Variants in COL26A1 observed in about 807,000 individuals in gnomAD.
COL26A1 encodes the protein collagen type XXVI alpha 1 chain, also known as collagen alpha-1(XXVI) chain.
In COL26A1, 41 loss-of-function variants were observed where a neutral mutation model predicts 59.3. The ratio of observed to expected loss-of-function variants is 0.69; its 90% CI spans 0.54 to 0.90. The LOEUF is 0.90. Ranked by LOEUF, COL26A1 falls within the 40% of genes least tolerant of loss-of-function variation. The pLI, the probability that COL26A1 is intolerant of heterozygous loss-of-function variation, is 0.00. For synonymous variants in COL26A1, 266 were observed against 256.0 expected, an observed-to-expected ratio of 1.04 and a Z score of -0.37; for missense variants, 612 against 602.3, an observed-to-expected ratio of 1.02 and a Z score of -0.17.
chr7:101,369,132 C>T (rs1791123734), intron 1 of COL26A1, among the ~76,000 whole-genome samples: 1 of 151,968 alleles, frequency 6.6e-6, no homozygotes, highest in Non-Finnish European at 1.5e-5. Context: ...GATGGGGGGG[C>T]ATGATGACTC....
chr7:101,362,926 C>G lies in COL26A1; in HGVS notation c.-107C>G. 1 of 1,197,918 alleles carries G rather than the reference C, an allele frequency of 8.3e-7. No individual in the cohort carries two copies. The highest frequency in any genetic ancestry group is 1.1e-6 in the Non-Finnish European group (1 of 893,146). 74.2% of individuals were successfully genotyped at this position (1,197,918 alleles called of 1,614,324 possible). A position where few individuals can be genotyped will look rare whatever the true frequency, so the allele number is the denominator to read the frequency against. On this transcript the variant is annotated 5_prime_UTR_variant, in exon 1 of 13. Coordinates refer to ENST00000313669, the MANE Select transcript of COL26A1 (RefSeq NM_001278563.3). The stretch of plus-strand genomic sequence containing the variant: ...CCGGGCTCCGACCGCTCGCCCCGCT[C>G]CTCTCGCTGTGCTCCCGGCCGGTGC...
rs1795962528 is a variant in COL26A1 at position 101,555,812 on chromosome 7, A to AG, written c.1108dup (p.Ala370GlyfsTer85). ...GGCGAGGGGGTGCAGCAGCTGAGAGAGGCCCTGAAGATCCTGGCAGAGCGA... is the reference window on the plus strand; with the variant it reads ...GGCGAGGGGGTGCAGCAGCTGAGAGAGGGCCCTGAAGATCCTGGCAGAGCGA... On this transcript the variant is annotated frameshift_variant, in exon 12 of 13. Coordinates refer to ENST00000313669, the MANE Select transcript of COL26A1 (RefSeq NM_001278563.3). LOFTEE classifies it high-confidence loss of function. 1 of 1,611,346 alleles carries AG rather than the reference A, an allele frequency of 6.2e-7. No homozygotes were observed. Among genetic ancestry groups the AG allele is most frequent in the Non-Finnish European group, 8.5e-7 (1 of 1,179,100 alleles).
At chr7:101,536,321 C>A (rs989069126) in intron 4 of COL26A1, among the ~76,000 whole-genome samples, 2 of 152,264 alleles carry the variant, frequency 1.3e-5, no homozygotes, top group African/African-American at 2.4e-5. Context: ...GCCCCACTGG[C>A]AGCTTTGATG....
chr7:101,414,758 A>C (rs1204172067), intron 1 of COL26A1, among the ~76,000 whole-genome samples: 1 of 152,076 alleles, frequency 6.6e-6, no homozygotes. Flanking sequence ...TTGGAAACAC[A>C]CACTGAGTGC....
intron 10 of COL26A1, 112 bp from the exon 11 acceptor site, chr7:101,553,214 C>A: frequency 1.1e-6 from 1 of 946,964 alleles, no homozygotes; most frequent in Non-Finnish European, 1.7e-6. Flanking sequence ...GTTTCCCAGG[C>A]CCTGCCTGCC....
chr7:101,516,727 C>T (rs1037643875), intron 3 of COL26A1, among the ~76,000 whole-genome samples: 10 of 152,156 alleles, frequency 6.6e-5, no homozygotes, highest in African/African-American at 2.4e-4. Context: ...AGCCGAAAAA[C>T]TTTCTCAGGG....
intron 1 of COL26A1, among the ~76,000 whole-genome samples, chr7:101,411,877 G>T (rs916727875): frequency 6.6e-6 from 1 of 152,158 alleles, no homozygotes; most frequent in African/African-American, 2.4e-5. Flanking sequence ...GGTCAAGGCT[G>T]CAGTGAGCTA....
At chr7:101,459,293 TTTGTTTGTTTG>T (rs1002827285) in intron 3 of COL26A1, among the ~76,000 whole-genome samples, 1 of 151,824 alleles carries the variant, frequency 6.6e-6, no homozygotes, top group African/African-American at 2.4e-5. Flanking sequence ...CTTTTGTTTG[TTTGTTTGTTTG>T]TTGTTTGTTT....
intron 12 of COL26A1, among the ~76,000 whole-genome samples, chr7:101,556,981 GTGGA>G (rs1227414426): frequency 7.2e-6 from 1 of 139,302 alleles, no homozygotes; most frequent in Non-Finnish European, 1.6e-5. Flanking sequence ...GGATAAGTGA[GTGGA>G]TGGATGGGTG....
intron 1 of COL26A1, chr7:101,388,929 G>T: frequency 4.4e-6 from 1 of 227,136 alleles, no homozygotes; most frequent in South Asian, 7.4e-5. Context: ...TGCCTTTCTG[G>T]AACACATAGC....
At chr7:101,432,032 C>T (rs2130321505) in intron 2 of COL26A1, among the ~76,000 whole-genome samples, 1 of 148,728 alleles carries the variant, frequency 6.7e-6, no homozygotes, top group South Asian at 2.1e-4. Context: ...GCAATCTTGG[C>T]TCACTGTAAC....
intron 2 of COL26A1, among the ~76,000 whole-genome samples, chr7:101,420,704 C>CCTCACCAGCCCCCCCCT (rs1792495916): frequency 1.4e-5 from 1 of 69,922 alleles, no homozygotes; most frequent in African/African-American, 5.6e-5. Flanking sequence ...CAGCCACACC[C>CCTCACCAGCCCCCCCCT]CTCACCAGCC....
intron 1 of COL26A1, among the ~76,000 whole-genome samples, chr7:101,364,156 G>C (rs1034994834): frequency 6.6e-6 from 1 of 152,200 alleles, no homozygotes; most frequent in East Asian, 1.9e-4. Flanking sequence ...TGCGGCTCCG[G>C]AGCCCGCATT....
chr7:101,427,262 T>G (rs1404965874), intron 2 of COL26A1, among the ~76,000 whole-genome samples: 1 of 152,204 alleles, frequency 6.6e-6, no homozygotes, highest in Non-Finnish European at 1.5e-5. Flanking sequence ...GAGATCTTGC[T>G]TTGTTGTCCA....
chr7:101,446,436 A>G (rs1793196604), intron 2 of COL26A1, among the ~76,000 whole-genome samples: 1 of 152,186 alleles, frequency 6.6e-6, no homozygotes, highest in South Asian at 2.1e-4. Flanking sequence ...CGTTTAGATC[A>G]CAGCTGATAC....
At chr7:101,420,700 C>A (rs1792495099) in intron 2 of COL26A1, among the ~76,000 whole-genome samples, 1 of 75,962 alleles carries the variant, frequency 1.3e-5, no homozygotes, top group Non-Finnish European at 3.0e-5. Context: ...TCACCAGCCA[C>A]ACCCCTCACC....
intron 3 of COL26A1, among the ~76,000 whole-genome samples, chr7:101,461,265 A>G (rs1793603245): frequency 6.6e-6 from 1 of 151,476 alleles, no homozygotes; most frequent in African/African-American, 2.4e-5. Context: ...TGCTGGGATC[A>G]CAGGTGTGAG....
In COL26A1 at chr7:101,544,004, C is replaced by T. The variant is rs774357671; in HGVS notation, c.611C>T (p.Pro204Leu). The T allele has an allele frequency of 1.5e-5, 24 of 1,569,024 alleles. No individual in the cohort carries two copies. In the East Asian group the frequency reaches 1.9e-4, roughly 12 times the overall value. Residue 204 changes from proline (P) to leucine (L), a missense_variant, in exon 6 of 13, where the codon CCG becomes CTG. Physicochemically the swap from Pro to Leu is moderately conservative, Grantham distance 98 (BLOSUM62 -3). Coordinates refer to ENST00000313669, the MANE Select transcript of COL26A1 (RefSeq NM_001278563.3). ...TGTCTCCTTCTCTCCCCAGGGCCCC[C>T]GGGGCAGACAGGACCACCAGGGCCT... Reference protein sequence around the residue: ...QRRPTGPAGPPGQTGPPGPAG... With the variant: ...QRRPTGPAGPLGQTGPPGPAG...
intron 5 of COL26A1, among the ~76,000 whole-genome samples, chr7:101,541,436 C>T (rs1256718438): frequency 3.3e-5 from 5 of 151,884 alleles, no homozygotes; most frequent in Non-Finnish European, 5.9e-5. Context: ...CCTTCATCTC[C>T]GAGGCTCAGG....
Sources: allele counts gnomAD v4.1 joint callset (sites outside exome capture counted in the v4.1 genomes callset), GRCh38; gene constraint gnomAD v4.1.1; transcripts MANE v1.5; gene names NCBI Gene and HGNC (gene_info 2026-07-23, HGNC 2026-07-21).